SYT16: variants seen among roughly 807,000 people sequenced by gnomAD.
The protein encoded by SYT16 is synaptotagmin 16.
A neutral mutation model predicts 61.4 loss-of-function variants in SYT16; 42 were observed. The observed-to-expected ratio is 0.68, with a 90% CI of 0.53 to 0.89. The LOEUF (loss-of-function observed/expected upper bound fraction) is 0.89. Among genes scored for constraint, SYT16 ranks in the 40% least tolerant of loss-of-function variants. The pLI is 0.00. For synonymous variants in SYT16, 314 were observed against 302.3 expected (o/e 1.04, Z -0.40); for missense variants, 804 against 807.3 (o/e 1.00, Z 0.05).
chr14:62,033,901 G>A (rs1171314743), intron 3 of SYT16, among the ~76,000 whole-genome samples: 4 of 151,902 alleles, frequency 2.6e-5, no homozygotes, highest in East Asian at 3.9e-4. Flanking sequence ...AAAATGATAC[G>A]ATGAGCAAAG....
downstream of SYT16, chr14:62,112,566 A>T (rs1303334833): frequency 1.3e-5 from 2 of 152,128 alleles, no homozygotes; most frequent in African/African-American, 2.4e-5. Flanking sequence ...ATGTGTGAAA[A>T]TTTTTTATGT....
In SYT16 at chr14:61,824,445, C is replaced by T. The variant is rs536296578; in HGVS notation, c.-325+11635C>T. Among the ~76,000 whole-genome samples the T allele has an allele frequency of 5.3e-5, 8 of 152,228 alleles. No individual in the cohort carries two copies. In the East Asian group the frequency reaches 5.8e-4, roughly 11 times the overall value. On this transcript the variant is annotated intron_variant, in intron 1 of 7. Transcript: ENST00000683842. ...TCGGCTCACTGCAACCTCCACCTCC[C>T]GGGTTCACACCATTCTCCTGCCTCA...
At chr14:61,956,902 A>T (rs955020776) in intron 1 of SYT16, among the ~76,000 whole-genome samples, 1 of 151,724 alleles carries the variant, frequency 6.6e-6, no homozygotes, top group Admixed American at 6.6e-5. Flanking sequence ...AAATCTGTAC[A>T]TTGCTAAAAT....
chr14:61,921,815 G>A (rs554371771), intron 1 of SYT16, among the ~76,000 whole-genome samples: 1 of 152,204 alleles, frequency 6.6e-6, no homozygotes, highest in Non-Finnish European at 1.5e-5. Flanking sequence ...ACACCTCAAA[G>A]CACATGCCCT....
intron 1 of SYT16, among the ~76,000 whole-genome samples, chr14:61,944,683 A>G (rs971337864): frequency 6.6e-6 from 1 of 152,256 alleles, no homozygotes; most frequent in African/African-American, 2.4e-5. Context: ...CTGGGTAGCC[A>G]TATGTAGAAA....
intron 3 of SYT16, among the ~76,000 whole-genome samples, chr14:62,049,605 C>T (rs776016376): frequency 1.4e-4 from 22 of 152,230 alleles, no homozygotes; most frequent in East Asian, 1.4e-3. Context: ...GTTTTTGCAG[C>T]GGCTGGTACC....
intron 5 of SYT16, among the ~76,000 whole-genome samples, chr14:62,078,109 C>G (rs2056563379): frequency 6.8e-6 from 1 of 148,120 alleles, no homozygotes; most frequent in African/African-American, 2.5e-5. Context: ...TGCGCTTGCT[C>G]TCTCTCTCTC....
chr14:62,089,392 C>T (rs2056996660), intron 7 of SYT16, among the ~76,000 whole-genome samples: 1 of 151,848 alleles, frequency 6.6e-6, no homozygotes, highest in Non-Finnish European at 1.5e-5. Flanking sequence ...TAAAGCACAT[C>T]CATCACAAGG....
intron 1 of SYT16, among the ~76,000 whole-genome samples, chr14:61,892,266 T>A (rs527829204): frequency 6.6e-6 from 1 of 152,036 alleles, no homozygotes; most frequent in African/African-American, 2.4e-5. Flanking sequence ...CATTGCTTGC[T>A]AATCTCTCTT....
chr14:61,929,919 T>G (rs1712434061), intron 1 of SYT16, among the ~76,000 whole-genome samples: 2 of 152,170 alleles, frequency 1.3e-5, no homozygotes, highest in Admixed American at 1.3e-4. Context: ...TAGGTCAATT[T>G]GTATATAAGG....
chr14:61,896,219 G>A (rs530621470), intron 1 of SYT16, among the ~76,000 whole-genome samples: 1 of 152,082 alleles, frequency 6.6e-6, no homozygotes, highest in Non-Finnish European at 1.5e-5. Flanking sequence ...ACCCCCATAC[G>A]TCACTCACAC....
intron 2 of SYT16, among the ~76,000 whole-genome samples, chr14:61,988,727 A>G (rs181965046): frequency 6.6e-6 from 1 of 152,298 alleles, no homozygotes; most frequent in Admixed American, 6.5e-5. Context: ...TTTTTTGAAG[A>G]GTTCCATTAG....
At chr14:61,842,881 A>T (rs932311740) in intron 1 of SYT16, among the ~76,000 whole-genome samples, 1 of 152,080 alleles carries the variant, frequency 6.6e-6, no homozygotes, top group African/African-American at 2.4e-5. Context: ...CATATGTAAC[A>T]AACCTGCACA....
intron 1 of SYT16, among the ~76,000 whole-genome samples, chr14:61,959,011 G>T (rs949503288): frequency 6.6e-6 from 1 of 151,950 alleles, no homozygotes; most frequent in Non-Finnish European, 1.5e-5. Flanking sequence ...GCCCTTCTTT[G>T]TCTCTTGTGA....
At chr14:61,873,105 A>T (rs2047380910) in intron 1 of SYT16, among the ~76,000 whole-genome samples, 1 of 152,172 alleles carries the variant, frequency 6.6e-6, no homozygotes, top group Non-Finnish European at 1.5e-5. Flanking sequence ...GGCCAACTAA[A>T]ATATTGATTA....
At chr14:61,823,154 G>A (rs1236661304) in intron 1 of SYT16, among the ~76,000 whole-genome samples, 5 of 151,824 alleles carry the variant, frequency 3.3e-5, no homozygotes, top group East Asian at 1.9e-4. Flanking sequence ...CACCATGCCC[G>A]GCTAATTTTT....
chr14:61,943,913 T>C (rs1439718119), intron 1 of SYT16, among the ~76,000 whole-genome samples: 2 of 152,108 alleles, frequency 1.3e-5, no homozygotes, highest in Admixed American at 1.3e-4. Flanking sequence ...AAATAAAGGG[T>C]ATTCAAATAG....
chr14:62,013,328 A>G (rs745342081), intron 3 of SYT16, among the ~76,000 whole-genome samples: 5 of 152,210 alleles, frequency 3.3e-5, no homozygotes, highest in Admixed American at 6.5e-5. Flanking sequence ...AGGGGGTTGA[A>G]GTGCCCCCAC....
chr14:61,870,514 T>G (rs922448911), intron 1 of SYT16, among the ~76,000 whole-genome samples: 2 of 152,134 alleles, frequency 1.3e-5, no homozygotes, highest in East Asian at 3.8e-4. Flanking sequence ...TATAATTTTC[T>G]TCATATTGGT....
Sources: allele counts gnomAD v4.1 joint callset (sites outside exome capture counted in the v4.1 genomes callset), GRCh38; gene constraint gnomAD v4.1.1; transcripts MANE v1.5; gene names NCBI Gene and HGNC (gene_info 2026-07-23, HGNC 2026-07-21).